The following TRIM16 variants were observed in gnomAD, a reference collection of about 807,000 sequenced individuals.
TRIM16 encodes tripartite motif containing 16.
A neutral mutation model predicts 50.4 loss-of-function variants in TRIM16; 33 were observed. That is an observed-to-expected ratio of 0.65 (90% CI 0.50 to 0.88). The LOEUF is 0.88. Ranked by LOEUF, TRIM16 falls within the 40% of genes least tolerant of loss-of-function variation. The pLI is 0.00. For synonymous variants in TRIM16, 229 were observed against 270.7 expected (o/e 0.85, Z 1.51); for missense variants, 581 against 686.8 (o/e 0.85, Z 1.72).
rs760331850 is a variant in TRIM16 at position 15,651,416 on chromosome 17, T to G, written c.194A>C (p.Gln65Pro). The G allele has an allele frequency of 7.4e-6, 12 of 1,614,010 alleles. No homozygotes were observed. Among genetic ancestry groups the G allele is most frequent in the Non-Finnish European group, 1.0e-5 (12 of 1,179,992 alleles). Residue 65 changes from glutamine to proline, a missense_variant, in exon 7 of 12, where the codon CAG (glutamine) becomes CCG (proline). Gln to Pro is a moderately conservative substitution (Grantham distance 76). Transcript: ENST00000649191. Reference protein sequence around the residue: ...TEEQDSDSAEQGDPAGEGKEV... With the variant: ...TEEQDSDSAEPGDPAGEGKEV... ...TTTCCCCTCACCAGCAGGATCCCCCTGCTCTGCAGAGTCGCTGTCCTGTTC... is the reference window on the plus strand; with the variant it reads ...TTTCCCCTCACCAGCAGGATCCCCCGGCTCTGCAGAGTCGCTGTCCTGTTC...
Position 15,631,650 on chromosome 17 carries a change from A to G in TRIM16, c.1080T>C (p.Pro360=). The G allele has an allele frequency of 6.2e-7, 1 of 1,613,948 alleles. No homozygotes were observed. The highest frequency in any genetic ancestry group is 8.5e-7 in the Non-Finnish European group (1 of 1,179,862). Residue 360 remains proline (P), a synonymous_variant, in exon 11 of 12, where the codon CCT becomes CCC. Transcript: ENST00000649191. Reference sequence around the variant, plus strand: ...GGAACTGTTCCCTGGTGCTGGGCTCAGGTTTGGAAGTCCAATATTTGCGCT... The same window carrying G: ...GGAACTGTTCCCTGGTGCTGGGCTCGGGTTTGGAAGTCCAATATTTGCGCT... The part of the protein sequence containing the change: ...VVQRKYWTSK[P]EPSTREQFLQ...
chr17:15,652,016 A>ATT lies in TRIM16; in HGVS notation c.-337-72_-337-71dup, dbSNP rs771656674. The ATT allele has an allele frequency of 7.7e-6, 8 of 1,036,932 alleles. No individual in the cohort carries two copies. In the African/African-American group the frequency reaches 1.0e-4, roughly 13 times the overall value. 64.2% of individuals were successfully genotyped at this position (1,036,932 alleles called of 1,614,324 possible). A position where few individuals can be genotyped will look rare whatever the true frequency, so the allele number is the denominator to read the frequency against. The stretch of plus-strand genomic sequence containing the variant: ...GGCTTTGTGTGGTCTGACAAGCGAC[A>ATT]TTTTTTTTTGTTTTCATTTTTAAAG... On this transcript the variant is annotated intron_variant, in intron 6 of 11. Transcript: ENST00000649191.
At chr17:15,672,822 C>T (rs1988780602) in intron 6 of TRIM16, among the ~76,000 whole-genome samples, 1 of 152,050 alleles carries the variant, frequency 6.6e-6, no homozygotes, top group African/African-American at 2.4e-5. Flanking sequence ...TGAAACAAAA[C>T]AAAAAAGGCT....
intron 1 of TRIM16, chr17:15,683,818 C>T (rs1329403357): frequency 6.6e-6 from 1 of 152,382 alleles, no homozygotes; most frequent in Non-Finnish European, 1.5e-5. Flanking sequence ...TACGTTCACA[C>T]TTCAGTCTAT....
intron 6 of TRIM16, among the ~76,000 whole-genome samples, chr17:15,669,536 G>C (rs1988637426): frequency 6.6e-6 from 1 of 152,046 alleles, no homozygotes; most frequent in Admixed American, 6.5e-5. Context: ...GATTTCAAGG[G>C]GGAACTCAGG....
intron 6 of TRIM16, among the ~76,000 whole-genome samples, chr17:15,674,500 C>T (rs1330858069): frequency 1.3e-5 from 2 of 152,138 alleles, no homozygotes; most frequent in Non-Finnish European, 2.9e-5. Flanking sequence ...TAAGTTTCCA[C>T]CATTTTCTAT....
intron 3 of TRIM16, among the ~76,000 whole-genome samples, chr17:15,682,609 G>A (rs1443127053): frequency 6.6e-6 from 1 of 152,214 alleles, no homozygotes; most frequent in Admixed American, 6.5e-5. Flanking sequence ...CCCAGCTCTA[G>A]CCCTGAGCTC....
chr17:15,656,235 T>C (rs1325058923), intron 6 of TRIM16, among the ~76,000 whole-genome samples: 1 of 152,104 alleles, frequency 6.6e-6, no homozygotes, highest in Admixed American at 6.5e-5. Flanking sequence ...ATGCCCATGC[T>C]CAAACCCCCA....
rs978481807 is a variant in TRIM16 at position 15,635,453 on chromosome 17, A to G, written c.849+583T>C. ...TCCAACTGCTTACCTTTAATGTCTA[A>G]TGATACATTGTAATGAAAAGCATTT... On this transcript the variant is annotated intron_variant, in intron 9 of 11. Transcript: ENST00000649191. 2.0e-5 allele frequency among the ~76,000 whole-genome samples: 3 copies of G among 148,142 alleles called. 1 individual carries two copies. The highest frequency in any genetic ancestry group is 7.6e-5 in the African/African-American group (3 of 39,666).
At position 15,628,719 on chromosome 17, in the gene TRIM16, A is replaced by T. The variant is rs765859443; in HGVS notation, c.1591T>A (p.Tyr531Asn). Residue 531 changes from tyrosine to asparagine, a missense_variant, in exon 12 of 12, where the codon TAT (tyrosine) becomes AAT (asparagine). Coordinates refer to ENST00000649191, the MANE Select transcript of TRIM16 (RefSeq NM_001348119.1). ...KFACKFSEPV[Y>N]AAFWLSKKEN... is the part of the protein sequence containing the mutation. ...TTCTTGGAAAGCCAGAAGGCAGCAT[A>T]GACTGGTTCTGAAAATTTGCAGGCA... The T allele has an allele frequency of 6.2e-7, 1 of 1,614,204 alleles. No homozygotes were observed. Among genetic ancestry groups the T allele is most frequent in the South Asian group, 1.1e-5 (1 of 91,088 alleles).
intron 8 of TRIM16, among the ~76,000 whole-genome samples, chr17:15,641,539 AAACAC>A (rs1987116495): frequency 6.7e-6 from 1 of 148,998 alleles, no homozygotes; most frequent in Non-Finnish European, 1.5e-5. Context: ...AAGAGCTGGG[AAACAC>A]AAGACCCTCC....
Position 15,633,571 on chromosome 17 carries a change from G to C in TRIM16, c.850-897C>G, listed in dbSNP as rs186651376. Among the ~76,000 whole-genome samples the C allele has an allele frequency of 5.2e-3, 642 of 124,186 alleles. 34 individuals carry two copies. The Middle Eastern group carries it at 0.07, about 14-fold the overall frequency. 81.5% of individuals were successfully genotyped at this position (124,186 alleles called of 152,430 possible). A position where few individuals can be genotyped will look rare whatever the true frequency, so the allele number is the denominator to read the frequency against. On this transcript the variant is annotated intron_variant, in intron 9 of 11. Transcript: ENST00000649191. ...TTTTTTTTTTTTGAGACATAGTCTT[G>C]CTTTGTCACCCAGGCTGGAGTGCAA...
chr17:15,680,043 G>C (rs1366507455), intron 4 of TRIM16, among the ~76,000 whole-genome samples: 3 of 152,046 alleles, frequency 2.0e-5, no homozygotes, highest in African/African-American at 7.2e-5. Flanking sequence ...CAACACCTCT[G>C]TGATTTCAAT....
intron 4 of TRIM16, among the ~76,000 whole-genome samples, chr17:15,679,663 C>T (rs533523569): frequency 7.4e-4 from 113 of 152,174 alleles, no homozygotes; most frequent in Non-Finnish European, 8.5e-4. Flanking sequence ...GCTGGCCGGG[C>T]GTGGTGGCTC....
chr17:15,662,969 T>C (rs1431319893), intron 6 of TRIM16, among the ~76,000 whole-genome samples: 3 of 152,088 alleles, frequency 2.0e-5, no homozygotes, highest in African/African-American at 4.8e-5. Flanking sequence ...GGTGACTCAC[T>C]AGCAGATTTG....
At chr17:15,682,719 G>A (rs1018043036) in intron 3 of TRIM16, 135 bp downstream of exon 3, 17 of 848,680 alleles carry the variant, frequency 2.0e-5, no homozygotes, top group African/African-American at 1.1e-4. Flanking sequence ...CAAGGAGTCC[G>A]ACTTATCCCC....
chr17:15,641,258 G>C lies in TRIM16; in HGVS notation c.615+1463C>G, dbSNP rs145028077. ...TGACAAGCAGAAACAGTACAGAGAG[G>C]AGAGGCCTCAATACATTCAAGGAGC... On this transcript the variant is annotated intron_variant, in intron 8 of 11. Coordinates refer to ENST00000649191, the MANE Select transcript of TRIM16 (RefSeq NM_001348119.1). Among the ~76,000 whole-genome samples, 2 of 148,472 alleles carry C rather than the reference G, an allele frequency of 1.3e-5. 1 individual carries two copies. Among genetic ancestry groups the C allele is most frequent in the African/African-American group, 5.0e-5 (2 of 40,060 alleles).
chr17:15,674,099 C>A (rs528785393), intron 6 of TRIM16, among the ~76,000 whole-genome samples: 3 of 152,120 alleles, frequency 2.0e-5, no homozygotes, highest in Admixed American at 6.5e-5. Context: ...AGGCCGGGCG[C>A]GGTGGCTCAC....
chr17:15,664,138 T>C lies in TRIM16; in HGVS notation c.-337-12192A>G, dbSNP rs540468637. ...CAGGTGGATTTCATACATTGATACTTAAAAAGGGAGAAAAGGGCAAGAAAT... is the reference window on the plus strand; with the variant it reads ...CAGGTGGATTTCATACATTGATACTCAAAAAGGGAGAAAAGGGCAAGAAAT... On this transcript the variant is annotated intron_variant, in intron 6 of 11. Coordinates refer to ENST00000649191, the MANE Select transcript of TRIM16 (RefSeq NM_001348119.1). Among the ~76,000 whole-genome samples, 5 of 152,300 alleles carry C rather than the reference T, an allele frequency of 3.3e-5. No individual in the cohort carries two copies. The East Asian group carries it at 9.6e-4, about 29-fold the overall frequency.
Sources: allele counts gnomAD v4.1 joint callset (sites outside exome capture counted in the v4.1 genomes callset), GRCh38; gene constraint gnomAD v4.1.1; transcripts MANE v1.5; gene names NCBI Gene and HGNC (gene_info 2026-07-23, HGNC 2026-07-21).